ZNF778: variants seen among roughly 807,000 people sequenced by gnomAD.
ZNF778 encodes the protein zinc finger protein 778.
In ZNF778, 37 loss-of-function variants were observed where a neutral mutation model predicts 23.9. The observed-to-expected ratio is 1.54, with a 90% CI of 1.19 to 2.03. The LOEUF is 2.03. Among genes scored for constraint, ZNF778 ranks in the 30% most tolerant of loss-of-function variants. The pLI is 0.00. For missense variants in ZNF778, 1,297 were observed against 934.4 expected (o/e 1.39, Z -5.06); for synonymous variants, 483 against 343.9 (o/e 1.40, Z -4.48).
chr16:89,236,470 G>C lies in ZNF778; in HGVS notation c.*7908G>C, dbSNP rs973855649. The C allele has an allele frequency of 6.6e-6, 1 of 152,030 alleles. No homozygotes were observed. Among genetic ancestry groups the C allele is most frequent in the Non-Finnish European group, 1.5e-5 (1 of 68,008 alleles). The allele number at this position is 152,030 out of a possible 1,614,324, so 9.4% of individuals were successfully genotyped here. On this transcript the variant is annotated 3_prime_UTR_variant, in exon 7 of 7. Transcript: ENST00000433976. ...AATACAAAGAATTGCCTGCAGACCTGGTTTAAATAAATGGTTACAGAAAAC... is the reference window on the plus strand; with the variant it reads ...AATACAAAGAATTGCCTGCAGACCTCGTTTAAATAAATGGTTACAGAAAAC...
chr16:89,219,939 A>G (rs1024308751), intron 1 of ZNF778, among the ~76,000 whole-genome samples: 3 of 152,240 alleles, frequency 2.0e-5, no homozygotes, highest in South Asian at 4.1e-4. Context: ...CGTAGAAACT[A>G]TGGCCCCTGA....
Position 89,232,217 on chromosome 16 carries a change from C to G in ZNF778, c.*3655C>G, listed in dbSNP as rs145605521. On this transcript the variant is annotated 3_prime_UTR_variant, in exon 7 of 7. Transcript: ENST00000433976. ...CTGGATTGGTTTGTAGGGGAATGCA[C>G]TAGTTACTGGGAGCATGGTTGTGAT... The G allele has an allele frequency of 6.5e-3, 1,145 of 176,334 alleles. 16 individuals are homozygous for G. Among genetic ancestry groups the G allele is most frequent in the African/African-American group, 0.026 (1,109 of 42,100 alleles). 10.9% of individuals were successfully genotyped at this position (176,334 alleles called of 1,614,324 possible).
chr16:89,228,852 T>A lies in ZNF778; in HGVS notation c.*290T>A. ...TTCTGCTCAGTACTTTGATGATCCC[T>A]TGTGATCTCACAATGAAGAAAAACC... On this transcript the variant is annotated 3_prime_UTR_variant, in exon 7 of 7. Coordinates refer to ENST00000433976, the MANE Select transcript of ZNF778 (RefSeq NM_001201407.2). The A allele has an allele frequency of 9.1e-7, 1 of 1,098,396 alleles. No homozygotes were observed. The highest frequency in any genetic ancestry group is 1.1e-6 in the Non-Finnish European group (1 of 902,308). 68.0% of individuals were successfully genotyped at this position (1,098,396 alleles called of 1,614,324 possible). A position where few individuals can be genotyped will look rare whatever the true frequency, so the allele number is the denominator to read the frequency against.
intron 1 of ZNF778, among the ~76,000 whole-genome samples, chr16:89,220,740 G>A (rs1296225176): frequency 6.6e-6 from 1 of 152,178 alleles, no homozygotes; most frequent in Non-Finnish European, 1.5e-5. Context: ...GGATGATGTG[G>A]ACCAGTTCAT....
chr16:89,223,101 C>T, intron 3 of ZNF778, 56 bp from the exon 4 acceptor site: 6 of 1,579,902 alleles, frequency 3.8e-6, no homozygotes, highest in Non-Finnish European at 5.2e-6. Context: ...CCTCATTCTT[C>T]AGTGAATACC....
At position 89,228,600 on chromosome 16, in the gene ZNF778, C is replaced by A; in HGVS notation, c.*38C>A. 2 of 1,533,498 alleles carry A rather than the reference C, an allele frequency of 1.3e-6. No homozygotes were observed. The highest frequency in any genetic ancestry group is 1.3e-5 in the South Asian group (1 of 74,768). The allele number at this position is 1,533,498 out of a possible 1,614,324, so 95.0% of individuals were successfully genotyped here. A position where few individuals can be genotyped will look rare whatever the true frequency, so the allele number is the denominator to read the frequency against. On this transcript the variant is annotated 3_prime_UTR_variant, in exon 7 of 7. Coordinates refer to ENST00000433976, the MANE Select transcript of ZNF778 (RefSeq NM_001201407.2). ...GGGGAAGCTGTCAGCTACACTCATT[C>A]ACGTTGAAGACATGAAAGACCTCTC...
rs2031014796 is a variant in ZNF778 at position 89,222,119 on chromosome 16, G to A, written c.53G>A (p.Cys18Tyr). Reference protein sequence around the residue: ...HGGHVSRDSVCLHEEQTQAAG... With the variant: ...HGGHVSRDSVYLHEEQTQAAG... ...GGTCATGTTTCTAGGGACTCAGTCT[G>A]CCTTCATGAAGAACAGACACAGGCA... Residue 18 changes from cysteine (C) to tyrosine (Y), a missense_variant, in exon 3 of 7, where the codon TGC becomes TAC. Cys to Tyr is a radical substitution (Grantham distance 194). Coordinates refer to ENST00000433976, the MANE Select transcript of ZNF778 (RefSeq NM_001201407.2). 1 of 1,604,252 alleles carries A rather than the reference G, an allele frequency of 6.2e-7. No homozygotes were observed. The highest frequency in any genetic ancestry group is 1.3e-5 in the African/African-American group (1 of 74,698).
chr16:89,232,851 T>G lies in ZNF778; in HGVS notation c.*4289T>G, dbSNP rs1370856247. The G allele has an allele frequency of 8.0e-6, 10 of 1,252,520 alleles. No individual in the cohort carries two copies. Among genetic ancestry groups the G allele is most frequent in the Admixed American group, 2.5e-5 (1 of 40,082 alleles). The allele number at this position is 1,252,520 out of a possible 1,614,324, so 77.6% of individuals were successfully genotyped here. On this transcript the variant is annotated 3_prime_UTR_variant, in exon 7 of 7. Coordinates refer to ENST00000433976, the MANE Select transcript of ZNF778 (RefSeq NM_001201407.2). ...CGTATATGCAACTCAACTCACACCGTGTATGCAAATCAACTCGCACTGCGT... is the reference window on the plus strand; with the variant it reads ...CGTATATGCAACTCAACTCACACCGGGTATGCAAATCAACTCGCACTGCGT...
In ZNF778 at chr16:89,222,153, G is replaced by C; in HGVS notation, c.87G>C (p.Met29Ile). Reference sequence around the variant, plus strand: ...AAGAACAGACACAGGCAGCAGGGATGGTGGCTGGCTGGCTGATAAATTGTT... The same window carrying C: ...AAGAACAGACACAGGCAGCAGGGATCGTGGCTGGCTGGCTGATAAATTGTT... ...LHEEQTQAAG[M>I]VAGWLINCYQ... Residue 29 changes from methionine to isoleucine, a missense_variant, in exon 3 of 7, where the codon ATG (methionine) becomes ATC (isoleucine). Physicochemically the swap from Met to Ile is conservative, Grantham distance 10. Transcript: ENST00000433976. 1 of 1,605,504 alleles carries C rather than the reference G, an allele frequency of 6.2e-7. No individual in the cohort carries two copies. Among genetic ancestry groups the C allele is most frequent in the South Asian group, 1.1e-5 (1 of 90,250 alleles).
Position 89,226,795 on chromosome 16 carries a change from A to G in ZNF778, c.507A>G (p.Thr169=), listed in dbSNP as rs780769690. The G allele has an allele frequency of 6.2e-6, 10 of 1,614,032 alleles. No individual in the cohort carries two copies. The highest frequency in any genetic ancestry group is 8.5e-6 in the Non-Finnish European group (10 of 1,179,892). Residue 169 remains threonine, a synonymous_variant, in exon 7 of 7, where the codon ACA becomes ACG. Coordinates refer to ENST00000433976, the MANE Select transcript of ZNF778 (RefSeq NM_001201407.2). ...GCACACACGTGAGAACTCAAAATAC[A>G]GGAGACAGTTGTGTGTCTAATCATT... ...GLSTHVRTQN[T]GDSCVSNHYE... is the part of the protein sequence containing the mutation.
In ZNF778 at chr16:89,225,673, A is replaced by G. The variant is rs781367818; in HGVS notation, c.405+42A>G. The stretch of plus-strand genomic sequence containing the variant: ...AGATTTTTTTATTTATCACACTCAT[A>G]AAAGATTGGGAATTCCACTATAGAA... On this transcript the variant is annotated intron_variant, in intron 6 of 6. Transcript: ENST00000433976. The G allele has an allele frequency of 6.5e-6, 10 of 1,539,380 alleles. No individual in the cohort carries two copies. In the East Asian group the frequency reaches 2.3e-4, roughly 35 times the overall value.
intron 2 of ZNF778, 23 bp downstream of exon 2, chr16:89,221,175 C>G (rs1349138027): frequency 6.5e-7 from 1 of 1,544,928 alleles, no homozygotes; most frequent in East Asian, 2.4e-5. Flanking sequence ...GGGGCTCCTT[C>G]TCAGAGCCTC....
chr16:89,222,633 G>A (rs1006248743), intron 3 of ZNF778, among the ~76,000 whole-genome samples: 1 of 152,164 alleles, frequency 6.6e-6, no homozygotes, highest in Non-Finnish European at 1.5e-5. Context: ...CAAAGGGCTG[G>A]GATTACAGGC....
rs1961152088 is a variant in ZNF778, at chr16:89,235,551, C to T, written c.*6989C>T. 6.6e-6 allele frequency: 1 copy of T among 152,210 alleles called. No individual in the cohort carries two copies. The highest frequency in any genetic ancestry group is 6.5e-5 in the Admixed American group (1 of 15,270). The allele number at this position is 152,210 out of a possible 1,614,324, so 9.4% of individuals were successfully genotyped here. Reference sequence around the variant, plus strand: ...AATAGAACTTGCCTCCTGAACCTGACTAGGTTACTCGCCTGATGAACCAGT... The same window carrying T: ...AATAGAACTTGCCTCCTGAACCTGATTAGGTTACTCGCCTGATGAACCAGT... On this transcript the variant is annotated 3_prime_UTR_variant, in exon 7 of 7. Coordinates refer to ENST00000433976, the MANE Select transcript of ZNF778 (RefSeq NM_001201407.2).
Position 89,222,124 on chromosome 16 carries a change from C to T in ZNF778, c.58C>T (p.His20Tyr), listed in dbSNP as rs370763815. The change falls in exon 3 of 7, where the codon CAT becomes TAT. Residue 20 changes from histidine (H) to tyrosine (Y), a missense_variant. Transcript: ENST00000433976. ...GHVSRDSVCLHEEQTQAAGMV... is the reference protein window; with the variant it reads ...GHVSRDSVCLYEEQTQAAGMV... ...TGTTTCTAGGGACTCAGTCTGCCTT[C>T]ATGAAGAACAGACACAGGCAGCAGG... The T allele has an allele frequency of 3.7e-6, 6 of 1,605,292 alleles. No individual in the cohort carries two copies. In the Admixed American group the frequency reaches 5.1e-5, roughly 14 times the overall value.
chr16:89,236,664 C>G lies in ZNF778; in HGVS notation c.*8102C>G, dbSNP rs1205218056. 1 of 152,150 alleles carries G rather than the reference C, an allele frequency of 6.6e-6. No homozygotes were observed. Among genetic ancestry groups the G allele is most frequent in the Admixed American group, 6.5e-5 (1 of 15,274 alleles). 9.4% of individuals were successfully genotyped at this position (152,150 alleles called of 1,614,324 possible). On this transcript the variant is annotated 3_prime_UTR_variant, in exon 7 of 7. Transcript: ENST00000433976. ...TATTTAATACATAAGACAACTACAA[C>G]ATGAAGGTGAGGGGCAACGTGGCTG...
In ZNF778 at chr16:89,232,844, C is replaced by T. The variant is rs751738865; in HGVS notation, c.*4282C>T. Reference sequence around the variant, plus strand: ...CTCACACCGTATATGCAACTCAACTCACACCGTGTATGCAAATCAACTCGC... The same window carrying T: ...CTCACACCGTATATGCAACTCAACTTACACCGTGTATGCAAATCAACTCGC... On this transcript the variant is annotated 3_prime_UTR_variant, in exon 7 of 7. Transcript: ENST00000433976. 1.6e-6 allele frequency: 2 copies of T among 1,289,060 alleles called. No individual in the cohort carries two copies. The highest frequency in any genetic ancestry group is 1.1e-4 in the East Asian group (2 of 18,070). The allele number at this position is 1,289,060 out of a possible 1,614,324, so 79.9% of individuals were successfully genotyped here.
intron 3 of ZNF778, 127 bp downstream of exon 3, chr16:89,222,310 G>A: frequency 3.7e-6 from 2 of 544,262 alleles, no homozygotes; most frequent in Non-Finnish European, 6.1e-6. Flanking sequence ...AACGCCTCCA[G>A]GGAGAAGAGC....
Position 89,226,845 on chromosome 16 carries a change from G to T in ZNF778, c.557G>T (p.Cys186Phe). The T allele has an allele frequency of 6.2e-7, 1 of 1,613,980 alleles. No individual in the cohort carries two copies. The highest frequency in any genetic ancestry group is 8.5e-7 in the Non-Finnish European group (1 of 1,179,884). Residue 186 changes from cysteine to phenylalanine, a missense_variant, in exon 7 of 7, where the codon TGC becomes TTC. Cys to Phe is a radical substitution (Grantham distance 205). Coordinates refer to ENST00000433976, the MANE Select transcript of ZNF778 (RefSeq NM_001201407.2). The stretch of plus-strand genomic sequence containing the variant: ...TATGAAAGGGACTTTTTTATTCCAT[G>T]CCAGAAAACCTTGTTCAAAATTGGA... ...NHYERDFFIP[C>F]QKTLFKIGEQ...
Sources: gnomAD v4.1 joint callset for allele counts (sites outside exome capture counted in the v4.1 genomes callset) on GRCh38, gnomAD v4.1.1 for gene constraint, MANE v1.5 for transcripts, NCBI Gene and HGNC (gene_info 2026-07-23, HGNC 2026-07-21) for gene names.